Variants in SEPTIN7 observed in about 807,000 individuals in gnomAD.
SEPTIN7 encodes septin-7.
SEPTIN7 carries 10 observed loss-of-function variants against 63.3 expected under a neutral mutation model. The observed-to-expected ratio is 0.16, with a 90% CI of 0.10 to 0.27. The LOEUF is 0.27. Ranked by LOEUF, SEPTIN7 falls within the 10% of genes least tolerant of loss-of-function variation. SEPTIN7 has a pLI of 1.00. For synonymous variants in SEPTIN7, 131 were observed against 165.3 expected, an observed-to-expected ratio of 0.79 and a Z score of 1.59; for missense variants, 310 against 521.0, an observed-to-expected ratio of 0.59 and a Z score of 3.94.
At chr7:35,909,050 G>T (rs1788691315), downstream of SEPTIN7, among the ~76,000 whole-genome samples, 1 of 152,122 alleles carries the variant, frequency 6.6e-6, no homozygotes, top group Non-Finnish European at 1.5e-5. Context: ...CATGGCCCCT[G>T]GTGTTAATGT....
intron 1 of SEPTIN7, among the ~76,000 whole-genome samples, chr7:35,805,174 G>A (rs1253060115): frequency 1.3e-5 from 2 of 152,140 alleles, no homozygotes; most frequent in Non-Finnish European, 2.9e-5. Flanking sequence ...GAGCCATCAC[G>A]CCCGGCCAAG....
chr7:35,821,758 G>T (rs1217208507), intron 1 of SEPTIN7, among the ~76,000 whole-genome samples: 1 of 152,054 alleles, frequency 6.6e-6, no homozygotes, highest in Non-Finnish European at 1.5e-5. Context: ...ACCCAGTACT[G>T]GGCACTAGTA....
At chr7:35,896,644 C>A (rs754693639) in intron 11 of SEPTIN7, among the ~76,000 whole-genome samples, 1 of 152,138 alleles carries the variant, frequency 6.6e-6, no homozygotes, top group Non-Finnish European at 1.5e-5. Flanking sequence ...ATGATATTTA[C>A]ACTTGAAAAT....
chr7:35,879,333 A>G (rs557023295), intron 6 of SEPTIN7, among the ~76,000 whole-genome samples: 13 of 152,124 alleles, frequency 8.5e-5, no homozygotes, highest in African/African-American at 2.7e-4. Flanking sequence ...AAAATACAAA[A>G]ATTAGGCAGG....
intron 11 of SEPTIN7, among the ~76,000 whole-genome samples, chr7:35,896,245 G>A (rs1004894526): frequency 2.6e-5 from 4 of 152,186 alleles, no homozygotes; most frequent in African/African-American, 9.7e-5. Context: ...TAGATGAGTT[G>A]TATAAGTAGG....
intron 3 of SEPTIN7, among the ~76,000 whole-genome samples, chr7:35,833,122 G>A (rs1583527859): frequency 6.6e-6 from 1 of 151,948 alleles, no homozygotes; most frequent in East Asian, 1.9e-4. Flanking sequence ...GAGAAATGGT[G>A]GGTGATAGTG....
intron 3 of SEPTIN7, among the ~76,000 whole-genome samples, chr7:35,859,356 G>GA (rs1175281621): frequency 6.6e-6 from 1 of 151,952 alleles, no homozygotes; most frequent in Non-Finnish European, 1.5e-5. Flanking sequence ...ATTATAATGG[G>GA]AAAAAATGCT....
At chr7:35,896,068 C>G (rs539374906) in intron 11 of SEPTIN7, among the ~76,000 whole-genome samples, 5 of 152,336 alleles carry the variant, frequency 3.3e-5, no homozygotes, top group Admixed American at 3.3e-4. Context: ...CTTGGCCTCC[C>G]AAACTGCTAG....
intron 7 of SEPTIN7, 37 bp downstream of exon 7, chr7:35,879,977 T>G (rs1227377377): frequency 2.5e-6 from 3 of 1,185,444 alleles, no homozygotes; most frequent in South Asian, 1.3e-5. Flanking sequence ...TCTTATACCG[T>G]TCTCATAATT....
At chr7:35,889,857 T>A (rs1787528355) in intron 10 of SEPTIN7, among the ~76,000 whole-genome samples, 1 of 152,116 alleles carries the variant, frequency 6.6e-6, no homozygotes, top group Non-Finnish European at 1.5e-5. Context: ...AATACACCTT[T>A]GTGTTTGTCT....
At chr7:35,872,266 G>C (rs1212957019) in intron 4 of SEPTIN7, among the ~76,000 whole-genome samples, 1 of 152,144 alleles carries the variant, frequency 6.6e-6, no homozygotes, top group Non-Finnish European at 1.5e-5. Context: ...GTTCTTCTCT[G>C]ATTAATTACA....
chr7:35,887,223 T>A (rs1472398383), intron 10 of SEPTIN7, among the ~76,000 whole-genome samples: 1 of 152,258 alleles, frequency 6.6e-6, no homozygotes, highest in Non-Finnish European at 1.5e-5. Flanking sequence ...TTTTTAAATC[T>A]TCTATGGTAC....
At chr7:35,854,831 T>C (rs1372624814) in intron 3 of SEPTIN7, among the ~76,000 whole-genome samples, 1 of 152,020 alleles carries the variant, frequency 6.6e-6, no homozygotes, top group East Asian at 1.9e-4. Context: ...GAAAAACTGA[T>C]ATACAAAGAA....
intron 3 of SEPTIN7, among the ~76,000 whole-genome samples, chr7:35,841,691 CTG>C (rs1784413803): frequency 6.6e-6 from 1 of 152,220 alleles, no homozygotes; most frequent in African/African-American, 2.4e-5. Context: ...GCCGCATAGT[CTG>C]TCAGTATTTT....
intron 6 of SEPTIN7, among the ~76,000 whole-genome samples, chr7:35,874,410 C>G (rs532411877): frequency 6.6e-6 from 1 of 152,106 alleles, no homozygotes; most frequent in African/African-American, 2.4e-5. Flanking sequence ...TTTTGTACTT[C>G]TGCTGTCATT....
intron 1 of SEPTIN7, among the ~76,000 whole-genome samples, chr7:35,824,561 A>C (rs1783406341): frequency 6.6e-6 from 1 of 152,218 alleles, no homozygotes; most frequent in African/African-American, 2.4e-5. Context: ...GTCTTCCCAA[A>C]GTCCACCTTA....
intron 10 of SEPTIN7, among the ~76,000 whole-genome samples, chr7:35,889,305 T>C (rs1787490400): frequency 6.6e-6 from 1 of 152,156 alleles, no homozygotes. Flanking sequence ...CTATTGTGGC[T>C]ATAAGAGAAC....
rs1374489856 is a variant in SEPTIN7 at position 35,905,864 on chromosome 7, A to G, written c.*1571A>G. ...TCATTTCTTTTCTTAAGGTCAAGTGACATAGATTTTAATGTAATGCATAAT... is the reference window on the plus strand; with the variant it reads ...TCATTTCTTTTCTTAAGGTCAAGTGGCATAGATTTTAATGTAATGCATAAT... On this transcript the variant is annotated 3_prime_UTR_variant, in exon 14 of 14. Coordinates refer to ENST00000350320, the MANE Select transcript of SEPTIN7 (RefSeq NM_001788.6). 1 of 152,188 alleles carries G rather than the reference A, an allele frequency of 6.6e-6. No individual in the cohort carries two copies. Among genetic ancestry groups the G allele is most frequent in the Non-Finnish European group, 1.5e-5 (1 of 68,042 alleles). The allele number at this position is 152,188 out of a possible 1,614,324, so 9.4% of individuals were successfully genotyped here.
Position 35,883,487 on chromosome 7 carries a change from T to G in SEPTIN7, c.724-404T>G, listed in dbSNP as rs1787026442. 2.6e-5 allele frequency among the ~76,000 whole-genome samples: 4 copies of G among 152,196 alleles called. No homozygotes were observed. The South Asian group carries it at 8.3e-4, about 32-fold the overall frequency. On this transcript the variant is annotated intron_variant, in intron 8 of 13. Transcript: ENST00000350320. ...GCTTAACAAATATACTATTACCTGG[T>G]TTAGGTACTGTTATAGTTGGTTTGT... is the stretch of plus-strand genomic sequence containing the variant.
Sources: allele counts gnomAD v4.1 joint callset (sites outside exome capture counted in the v4.1 genomes callset), GRCh38; gene constraint gnomAD v4.1.1; transcripts MANE v1.5; gene names NCBI Gene and HGNC (gene_info 2026-07-23, HGNC 2026-07-21).